The following PHF20 variants were observed in gnomAD, a reference collection of about 807,000 sequenced individuals.
The protein encoded by PHF20 is PHD finger protein 20.
In PHF20, 23 loss-of-function variants were observed where a neutral mutation model predicts 113.5. The ratio of observed to expected loss-of-function variants is 0.20; its 90% CI spans 0.15 to 0.29. The LOEUF (loss-of-function observed/expected upper bound fraction) is 0.29, where lower values mean the gene tolerates loss of function less well. PHF20 is among the 10% of genes least tolerant of loss of function. The pLI is 1.00. For synonymous variants in PHF20, 434 were observed against 457.3 expected (o/e 0.95, Z 0.65); for missense variants, 943 against 1,219.6 (o/e 0.77, Z 3.38).
intron 9 of PHF20, among the ~76,000 whole-genome samples, chr20:35,885,448 TG>T (rs1400711310): frequency 8.1e-6 from 1 of 123,494 alleles, no homozygotes; most frequent in Non-Finnish European, 1.7e-5. Context: ...TTTACTGGAG[TG>T]GGGGACAGGG....
intron 13 of PHF20, among the ~76,000 whole-genome samples, chr20:35,922,787 T>C (rs954035967): frequency 6.6e-6 from 1 of 152,206 alleles, no homozygotes; most frequent in Admixed American, 6.6e-5. Flanking sequence ...ACTGGATTCT[T>C]CTTTGAGCAG....
At chr20:35,817,370 A>G (rs1268714305) in intron 2 of PHF20, among the ~76,000 whole-genome samples, 1 of 151,554 alleles carries the variant, frequency 6.6e-6, no homozygotes. Flanking sequence ...TATTTTTAGT[A>G]AAGATGGGGT....
chr20:35,850,916 C>G (rs904974510), intron 4 of PHF20: 4 of 662,164 alleles, frequency 6.0e-6, no homozygotes, highest in Admixed American at 4.1e-5. Context: ...AGGGAAACAT[C>G]GTGAAGGTGA....
At position 35,869,490 on chromosome 20, in the gene PHF20, A is replaced by G. The variant is rs776350314; in HGVS notation, c.861A>G (p.Arg287=). The change falls in exon 7 of 18, where the codon AGA becomes AGG. Residue 287 remains arginine, a synonymous_variant. Coordinates refer to ENST00000374012, the MANE Select transcript of PHF20 (RefSeq NM_016436.5). The stretch of plus-strand genomic sequence containing the variant: ...AACCAATAACATTGGAACTGAGAAG[A>G]AGGAAAATATCAAAAGGATGTGAAG... The part of the protein sequence containing the change: ...TLQPITLELR[R]RKISKGCEVP... The G allele has an allele frequency of 5.5e-5, 88 of 1,612,534 alleles. No individual in the cohort carries two copies. The highest frequency in any genetic ancestry group is 5.0e-5 in the Non-Finnish European group (59 of 1,179,228).
intron 3 of PHF20, chr20:35,845,458 TG>T: frequency 2.9e-6 from 1 of 344,832 alleles, no homozygotes. Context: ...CTTGACCTCT[TG>T]GGCTCAAGCA....
intron 1 of PHF20, among the ~76,000 whole-genome samples, chr20:35,783,597 T>TA (rs1047926468): frequency 2.6e-5 from 4 of 151,810 alleles, no homozygotes; most frequent in Non-Finnish European, 5.9e-5. Context: ...TTTTTTTTTT[T>TA]TTATTATTTA....
intron 9 of PHF20, among the ~76,000 whole-genome samples, chr20:35,882,892 G>A (rs995203628): frequency 6.6e-6 from 1 of 152,056 alleles, no homozygotes. Flanking sequence ...GCCAGGTGCG[G>A]TGGTGTGTGC....
intron 1 of PHF20, among the ~76,000 whole-genome samples, chr20:35,800,499 A>G (rs1421339758): frequency 6.6e-6 from 1 of 152,170 alleles, no homozygotes; most frequent in African/African-American, 2.4e-5. Flanking sequence ...TTCTGGGCGC[A>G]GTGGTTCACG....
intron 16 of PHF20, 53 bp from the exon 17 acceptor site, chr20:35,940,811 A>T: frequency 6.8e-7 from 1 of 1,475,234 alleles, no homozygotes. Flanking sequence ...CTGGTTGAAA[A>T]ATGGGCCAGG....
chr20:35,943,032 C>T (rs943823329), intron 17 of PHF20, among the ~76,000 whole-genome samples: 4 of 152,134 alleles, frequency 2.6e-5, no homozygotes, highest in Non-Finnish European at 5.9e-5. Flanking sequence ...ACTGTGTTAG[C>T]CAGGATGGTC....
chr20:35,826,279 G>A (rs2042260146), intron 2 of PHF20, among the ~76,000 whole-genome samples: 1 of 152,150 alleles, frequency 6.6e-6, no homozygotes, highest in Admixed American at 6.6e-5. Flanking sequence ...CTTGACCCCA[G>A]GTGATCTGCC....
At chr20:35,931,796 C>A in intron 15 of PHF20, among the ~76,000 whole-genome samples, 1 of 151,824 alleles carries the variant, frequency 6.6e-6, no homozygotes, top group East Asian at 2.0e-4. Flanking sequence ...ACTGAAATTA[C>A]AAAAATTAGC....
Position 35,949,160 on chromosome 20 carries a change from G to T in PHF20, c.*1533G>T, listed in dbSNP as rs961269305. On this transcript the variant is annotated 3_prime_UTR_variant, in exon 18 of 18. Coordinates refer to ENST00000374012, the MANE Select transcript of PHF20 (RefSeq NM_016436.5). ...TAGCTGTCCATCAGAGAGAATACAC[G>T]TGGCTATAACATCTATAACAAAACG... 2 of 152,720 alleles carry T rather than the reference G, an allele frequency of 1.3e-5. No individual in the cohort carries two copies. Among genetic ancestry groups the T allele is most frequent in the East Asian group, 1.9e-4 (1 of 5,192 alleles). 9.5% of individuals were successfully genotyped at this position (152,720 alleles called of 1,614,324 possible). A position where few individuals can be genotyped will look rare whatever the true frequency, so the allele number is the denominator to read the frequency against.
chr20:35,863,290 G>C lies in PHF20; in HGVS notation c.698G>C (p.Gly233Ala). 3 of 1,614,146 alleles carry C rather than the reference G, an allele frequency of 1.9e-6. No homozygotes were observed. Among genetic ancestry groups the C allele is most frequent in the Non-Finnish European group, 2.5e-6 (3 of 1,180,016 alleles). ...NISENDREYS[G>A]DAQVDKKPEN... ...TCCGAAAATGACAGAGAGTATTCTG[G>C]AGATGCCCAAGTGGATAAGAAACCT... is the stretch of plus-strand genomic sequence containing the variant. Residue 233 changes from glycine (G) to alanine (A), a missense_variant, in exon 6 of 18, where the codon GGA becomes GCA. Physicochemically the swap from Gly to Ala is moderately conservative, Grantham distance 60 (BLOSUM62 0). This residue lies in a region of PHF20 where 592 missense variants were observed against 787.2 expected (regional missense o/e 0.75). Transcript: ENST00000374012.
At position 35,871,124 on chromosome 20, in the gene PHF20, A is replaced by C; in HGVS notation, c.1092A>C (p.Glu364Asp). Residue 364 changes from glutamate to aspartate, a missense_variant, in exon 8 of 18, where the codon GAA becomes GAC. Physicochemically the swap from Glu to Asp is conservative, Grantham distance 45. Around this residue, in one of 3 missense-constraint regions of PHF20, gnomAD observed 592 missense variants for 787.2 expected, o/e 0.75. Coordinates refer to ENST00000374012, the MANE Select transcript of PHF20 (RefSeq NM_016436.5). ...AAGACACGTTGTCTAGTACCAAGGA[A>C]TCTGAAGAAGGTGAGTCAGTCTGTT... ...PLQDTLSSTKESEEGQLKSAL... is the reference protein window; with the variant it reads ...PLQDTLSSTKDSEEGQLKSAL... The C allele has an allele frequency of 1.2e-6, 2 of 1,608,788 alleles. No individual in the cohort carries two copies. Among genetic ancestry groups the C allele is most frequent in the African/African-American group, 2.7e-5 (2 of 74,798 alleles).
At chr20:35,848,698 G>GA (rs199709829) in intron 4 of PHF20, among the ~76,000 whole-genome samples, 4 of 150,768 alleles carry the variant, frequency 2.7e-5, no homozygotes, top group South Asian at 2.1e-4. Context: ...ATCTCACTAT[G>GA]AAAAAAAAAT....
chr20:35,886,585 T>G (rs537051091), intron 9 of PHF20, among the ~76,000 whole-genome samples: 2 of 152,302 alleles, frequency 1.3e-5, no homozygotes, highest in South Asian at 4.2e-4. Context: ...ATAGCAACTG[T>G]GTTGGGCCTT....
chr20:35,838,164 C>T (rs965526586), intron 2 of PHF20, among the ~76,000 whole-genome samples: 4 of 152,102 alleles, frequency 2.6e-5, no homozygotes, highest in Admixed American at 6.5e-5. Context: ...TCCTGACTTC[C>T]GACCAGTGCA....
chr20:35,913,681 A>G (rs1268926023), intron 11 of PHF20, among the ~76,000 whole-genome samples: 2 of 152,274 alleles, frequency 1.3e-5, no homozygotes, highest in African/African-American at 4.8e-5. Context: ...CTTAAAACAC[A>G]TCTTTGAGCC....
Sources: gnomAD v4.1 joint callset for allele counts (sites outside exome capture counted in the v4.1 genomes callset) on GRCh38, gnomAD v4.1.1 for gene constraint, gnomAD v4.1.1 regional missense constraint, MANE v1.5 for transcripts, NCBI Gene and HGNC (gene_info 2026-07-23, HGNC 2026-07-21) for gene names.